Variants in ERBB4 observed in about 807,000 individuals in gnomAD.
ERBB4 encodes receptor tyrosine-protein kinase erbB-4.
A neutral mutation model predicts 158.0 loss-of-function variants in ERBB4; 42 were observed. The ratio of observed to expected loss-of-function variants is 0.27; its 90% confidence interval spans 0.21 to 0.34. ERBB4 has a LOEUF of 0.34. Among genes scored for constraint, ERBB4 ranks in the 10% least tolerant of loss-of-function variants. ERBB4 has a pLI of 1.00. For synonymous variants in ERBB4, 583 were observed against 558.7 expected (o/e 1.04, Z -0.61); for missense variants, 1,333 against 1,624.1 (o/e 0.82, Z 3.08).
chr2:212,239,137 G>T (rs193286195), intron 1 of ERBB4, among the ~76,000 whole-genome samples: 1 of 152,136 alleles, frequency 6.6e-6, no homozygotes, highest in African/African-American at 2.4e-5. Flanking sequence ...CACTGTAGCC[G>T]CAAACTCCTG....
At chr2:211,966,503 G>T (rs1307363056) in intron 2 of ERBB4, among the ~76,000 whole-genome samples, 1 of 152,118 alleles carries the variant, frequency 6.6e-6, no homozygotes, top group Non-Finnish European at 1.5e-5. Context: ...GCCTCCCAAA[G>T]GGCTGGGATT....
intron 17 of ERBB4, among the ~76,000 whole-genome samples, chr2:211,629,284 C>T (rs2070000469): frequency 6.6e-6 from 1 of 152,104 alleles, no homozygotes; most frequent in Admixed American, 6.6e-5. Context: ...CATGAGGGAA[C>T]TCCCATTCAC....
At chr2:211,986,841 ACT>A (rs1223102214) in intron 2 of ERBB4, among the ~76,000 whole-genome samples, 1 of 152,012 alleles carries the variant, frequency 6.6e-6, no homozygotes, top group Non-Finnish European at 1.5e-5. Flanking sequence ...AAAATAACTG[ACT>A]CTGGGTGAAG....
At chr2:211,685,822 T>C (rs574057163) in intron 12 of ERBB4, among the ~76,000 whole-genome samples, 5 of 152,188 alleles carry the variant, frequency 3.3e-5, no homozygotes, top group Admixed American at 1.3e-4. Context: ...GTTTTCAGCA[T>C]ACAAGTCCTG....
chr2:211,845,344 C>A (rs2077563703), intron 3 of ERBB4, among the ~76,000 whole-genome samples: 1 of 151,672 alleles, frequency 6.6e-6, no homozygotes, highest in Admixed American at 6.6e-5. Flanking sequence ...TTAAGAACTT[C>A]TTTGTTCAGT....
At chr2:212,001,766 A>C (rs553325019) in intron 2 of ERBB4, among the ~76,000 whole-genome samples, 1 of 152,214 alleles carries the variant, frequency 6.6e-6, no homozygotes, top group Non-Finnish European at 1.5e-5. Context: ...GATATGAAGG[A>C]AACATTATGA....
At chr2:211,468,557 A>C (rs977913427) in intron 20 of ERBB4, among the ~76,000 whole-genome samples, 1 of 152,100 alleles carries the variant, frequency 6.6e-6, no homozygotes, top group African/African-American at 2.4e-5. Context: ...GGAAAAATGT[A>C]GTTCTTGTGA....
intron 3 of ERBB4, among the ~76,000 whole-genome samples, chr2:211,863,724 G>A (rs534510765): frequency 5.3e-5 from 8 of 152,252 alleles, no homozygotes; most frequent in South Asian, 2.1e-4. Context: ...GAGCTGTAAC[G>A]CTCACTGTGA....
At chr2:212,061,810 A>C (rs977370071) in intron 2 of ERBB4, among the ~76,000 whole-genome samples, 5 of 148,662 alleles carry the variant, frequency 3.4e-5, no homozygotes, top group African/African-American at 1.2e-4. Context: ...ATCTCAGCTC[A>C]CCACAAACTC....
At chr2:211,780,445 A>C (rs1464934000) in intron 4 of ERBB4, among the ~76,000 whole-genome samples, 4 of 152,266 alleles carry the variant, frequency 2.6e-5, no homozygotes, top group African/African-American at 9.6e-5. Flanking sequence ...ATACATTTTC[A>C]TCTCAAGGAA....
intron 1 of ERBB4, among the ~76,000 whole-genome samples, chr2:212,434,942 C>T (rs1007912550): frequency 6.6e-6 from 1 of 151,934 alleles, no homozygotes; most frequent in Admixed American, 6.6e-5. Context: ...TTTCAAGAAA[C>T]AAATGATTTA....
intron 22 of ERBB4, among the ~76,000 whole-genome samples, chr2:211,424,570 T>C (rs1257778002): frequency 6.6e-6 from 1 of 152,020 alleles, no homozygotes; most frequent in African/African-American, 2.4e-5. Flanking sequence ...TAGAATCTGT[T>C]CCCCATTTCT....
At chr2:211,744,606 G>A (rs2074905445) in intron 5 of ERBB4, among the ~76,000 whole-genome samples, 1 of 152,106 alleles carries the variant, frequency 6.6e-6, no homozygotes. Flanking sequence ...ACCCTAACAA[G>A]TCATTCATTT....
At chr2:211,739,043 T>G (rs907840936) in intron 5 of ERBB4, among the ~76,000 whole-genome samples, 2 of 152,182 alleles carry the variant, frequency 1.3e-5, no homozygotes, top group African/African-American at 4.8e-5. Flanking sequence ...TCCTAGTACT[T>G]CCAGTTATAT....
rs577898365 is a variant in ERBB4 at position 211,722,614 on chromosome 2, GT to G, written c.742-81del. The G allele has an allele frequency of 5.7e-5, 79 of 1,381,310 alleles. 1 individual carries two copies. Among genetic ancestry groups the G allele is most frequent in the South Asian group, 3.6e-4 (30 of 84,242 alleles). 85.6% of individuals were successfully genotyped at this position (1,381,310 alleles called of 1,614,324 possible). A position where few individuals can be genotyped will look rare whatever the true frequency, so the allele number is the denominator to read the frequency against. ...ATGAAACGCTGCCAAAACAGGAGAA[GT>G]TTTTTTCTATAATAATTCCACAAAT... On this transcript the variant is annotated intron_variant, in intron 6 of 27. Transcript: ENST00000342788.
chr2:212,215,631 G>A (rs2083075359), intron 1 of ERBB4, among the ~76,000 whole-genome samples: 1 of 151,014 alleles, frequency 6.6e-6, no homozygotes, highest in African/African-American at 2.4e-5. Context: ...AGGTTAAAAA[G>A]GAAAACAAGC....
intron 18 of ERBB4, among the ~76,000 whole-genome samples, chr2:211,620,872 G>A (rs1180898443): frequency 6.6e-6 from 1 of 152,182 alleles, no homozygotes; most frequent in Admixed American, 6.5e-5. Flanking sequence ...TTGGGAGACT[G>A]AGGCAGGAGG....
intron 1 of ERBB4, among the ~76,000 whole-genome samples, chr2:212,293,862 A>AAC (rs1553612466): frequency 1.0e-4 from 15 of 143,124 alleles, no homozygotes; most frequent in Admixed American, 7.6e-4. Context: ...AAAAAAACAA[A>AAC]AAAAAAAAAA....
chr2:212,407,436 G>A (rs369762587), intron 1 of ERBB4, among the ~76,000 whole-genome samples: 21 of 152,042 alleles, frequency 1.4e-4, no homozygotes, highest in South Asian at 8.3e-4. Flanking sequence ...AAACTGAGGC[G>A]GGGTACGTTT....
Sources: allele counts gnomAD v4.1 joint callset (sites outside exome capture counted in the v4.1 genomes callset), GRCh38; gene constraint gnomAD v4.1.1; transcripts MANE v1.5; gene names NCBI Gene and HGNC (gene_info 2026-07-23, HGNC 2026-07-21).